The following ADCY9 variants were observed in gnomAD, a reference collection of about 807,000 sequenced individuals.
ADCY9 encodes adenylate cyclase 9.
In ADCY9, 50 loss-of-function variants were observed where a neutral mutation model predicts 101.5. That is an observed-to-expected ratio of 0.49 (90% CI 0.39 to 0.62). ADCY9 has a LOEUF of 0.62. ADCY9 is among the 20% of genes least tolerant of loss of function. ADCY9 has a pLI of 0.00. For synonymous variants in ADCY9, 905 were observed against 769.3 expected, an observed-to-expected ratio of 1.18 and a Z score of -2.92; for missense variants, 1,662 against 1,800.4, an observed-to-expected ratio of 0.92 and a Z score of 1.39.
At chr16:4,039,890 T>C (rs1024111677) in intron 2 of ADCY9, among the ~76,000 whole-genome samples, 1 of 151,784 alleles carries the variant, frequency 6.6e-6, no homozygotes, top group African/African-American at 2.4e-5. Flanking sequence ...AATGCAAAAA[T>C]TAGCTGGGCA....
intron 2 of ADCY9, among the ~76,000 whole-genome samples, chr16:4,076,908 C>T (rs1363385777): frequency 2.0e-5 from 3 of 152,016 alleles, no homozygotes; most frequent in Non-Finnish European, 4.4e-5. Flanking sequence ...GAAACCCCGT[C>T]TCTACTAAAA....
At chr16:3,957,320 C>G (rs1204641303) in intron 5 of ADCY9, among the ~76,000 whole-genome samples, 1 of 152,174 alleles carries the variant, frequency 6.6e-6, no homozygotes, top group Non-Finnish European at 1.5e-5. Context: ...GTTTTCAGCT[C>G]GTTGGCAGAA....
intron 3 of ADCY9, among the ~76,000 whole-genome samples, chr16:3,994,407 C>T (rs1370922030): frequency 6.6e-6 from 1 of 152,150 alleles, no homozygotes; most frequent in Non-Finnish European, 1.5e-5. Flanking sequence ...GTTGCACAAC[C>T]TTGCTAAATA....
chr16:4,085,713 G>A (rs943458630), intron 2 of ADCY9, among the ~76,000 whole-genome samples: 5 of 152,066 alleles, frequency 3.3e-5, no homozygotes, highest in African/African-American at 4.8e-5. Context: ...AGCCGCCTCA[G>A]TATCACCTGG....
chr16:3,995,003 A>G (rs1027153842), intron 3 of ADCY9, among the ~76,000 whole-genome samples: 4 of 152,202 alleles, frequency 2.6e-5, no homozygotes, highest in Non-Finnish European at 5.9e-5. Context: ...AGGTACCCTA[A>G]AAAGAGCAAA....
At chr16:4,051,187 G>A (rs1251581198) in intron 2 of ADCY9, among the ~76,000 whole-genome samples, 3 of 151,336 alleles carry the variant, frequency 2.0e-5, no homozygotes, top group Non-Finnish European at 4.4e-5. Flanking sequence ...CACTCCAGCC[G>A]GGGCAACAGA....
intron 2 of ADCY9, among the ~76,000 whole-genome samples, chr16:4,109,786 A>G (rs1323286365): frequency 6.6e-6 from 1 of 152,146 alleles, no homozygotes; most frequent in Non-Finnish European, 1.5e-5. Context: ...TCGACACCTC[A>G]TTAATCTCTT....
At position 4,115,878 on chromosome 16, in the gene ADCY9, C is replaced by T. The variant is rs2057148467; in HGVS notation, c.-232G>A. On this transcript the variant is annotated 5_prime_UTR_variant, in exon 1 of 11. Coordinates refer to ENST00000294016, the MANE Select transcript of ADCY9 (RefSeq NM_001116.4). This position sits in a 1 kb window ranked among gnomAD's most constrained non-coding sequence, Gnocchi z 6.2. ...CCTTGAGCGCTCCCAGCCCCGCGAG[C>T]CGCCTGCGCACAAACAACTCCGCTG... 3 of 395,208 alleles carry T rather than the reference C, an allele frequency of 7.6e-6. No homozygotes were observed. In the South Asian group the frequency reaches 3.8e-4, roughly 50 times the overall value. The allele number at this position is 395,208 out of a possible 1,614,324, so 24.5% of individuals were successfully genotyped here.
intron 9 of ADCY9, among the ~76,000 whole-genome samples, chr16:3,974,952 C>T (rs565622811): frequency 6.6e-6 from 1 of 152,290 alleles, no homozygotes; most frequent in Admixed American, 6.5e-5. Context: ...CCTGCTGAGG[C>T]TTAGCAACCG....
chr16:4,078,589 A>G (rs574826727), intron 2 of ADCY9, among the ~76,000 whole-genome samples: 1 of 150,988 alleles, frequency 6.6e-6, no homozygotes, highest in African/African-American at 2.4e-5. Context: ...ACAAAAACAT[A>G]AAAGTATTAG....
Position 3,966,093 on chromosome 16 carries a change from G to A in ADCY9, c.3744C>T (p.His1248=). The A allele has an allele frequency of 6.2e-7, 1 of 1,614,238 alleles. No homozygotes were observed. The highest frequency in any genetic ancestry group is 8.5e-7 in the Non-Finnish European group (1 of 1,180,056). Reference sequence around the variant, plus strand: ...ACAGCTGGTGCTGTGGGATGACCCTGTGATCCGTGCACTTTGGGTACAGGT... The same window carrying A: ...ACAGCTGGTGCTGTGGGATGACCCTATGATCCGTGCACTTTGGGTACAGGT... ...KTYLYPKCTD[H]RVIPQHQLSI... Residue 1248 remains histidine, a synonymous_variant, in exon 11 of 11, where the codon CAC becomes CAT. Coordinates refer to ENST00000294016, the MANE Select transcript of ADCY9 (RefSeq NM_001116.4).
chr16:4,110,687 G>C (rs1245946697), intron 2 of ADCY9, among the ~76,000 whole-genome samples: 1 of 152,188 alleles, frequency 6.6e-6, no homozygotes, highest in Non-Finnish European at 1.5e-5. Context: ...ACTGCGCCCA[G>C]CCTTACCTTA....
chr16:4,005,721 T>C (rs1410131287), intron 3 of ADCY9, among the ~76,000 whole-genome samples: 1 of 152,188 alleles, frequency 6.6e-6, no homozygotes, highest in Non-Finnish European at 1.5e-5. Context: ...GCATGTGATA[T>C]GGTGAACTCT....
At chr16:4,022,490 CAAAAAA>C (rs58498676) in intron 2 of ADCY9, among the ~76,000 whole-genome samples, 5 of 65,046 alleles carry the variant, frequency 7.7e-5, no homozygotes, top group African/African-American at 2.7e-4. Flanking sequence ...GACTCCGTCT[CAAAAAA>C]AAAAAAAAAA....
chr16:4,067,618 A>C (rs2056808327), intron 2 of ADCY9, among the ~76,000 whole-genome samples: 1 of 152,116 alleles, frequency 6.6e-6, no homozygotes, highest in Non-Finnish European at 1.5e-5. Flanking sequence ...CCCACCCCAG[A>C]GAGATGTATT....
Position 4,047,459 on chromosome 16 carries a change from A to G in ADCY9, c.1694-39901T>C, listed in dbSNP as rs540035982. 6.5e-4 allele frequency among the ~76,000 whole-genome samples: 99 copies of G among 152,148 alleles called. 7 individuals carry two copies. Among genetic ancestry groups the G allele is most frequent in the African/African-American group, 2.2e-3 (92 of 41,418 alleles). On this transcript the variant is annotated intron_variant, in intron 2 of 10. Coordinates refer to ENST00000294016, the MANE Select transcript of ADCY9 (RefSeq NM_001116.4). Reference sequence around the variant, plus strand: ...GGCCTGGGGGACTTACACAGCTGTTACGAAGACATTATTTAAAAAAATCTT... The same window carrying G: ...GGCCTGGGGGACTTACACAGCTGTTGCGAAGACATTATTTAAAAAAATCTT...
chr16:4,100,486 C>CGG (rs1451045383), intron 2 of ADCY9, among the ~76,000 whole-genome samples: 3 of 151,986 alleles, frequency 2.0e-5, no homozygotes, highest in Non-Finnish European at 4.4e-5. Context: ...TATGCCACCA[C>CGG]GCCTGGCTAA....
intron 9 of ADCY9, among the ~76,000 whole-genome samples, 161 bp from the exon 10 acceptor site, chr16:3,974,871 C>T (rs955996792): frequency 3.3e-5 from 5 of 152,212 alleles, no homozygotes; most frequent in African/African-American, 9.6e-5. Flanking sequence ...TCTGTGTCTC[C>T]CAATGCTGGG....
intron 2 of ADCY9, among the ~76,000 whole-genome samples, chr16:4,074,393 T>C (rs1414830414): frequency 1.3e-5 from 2 of 151,588 alleles, no homozygotes; most frequent in Non-Finnish European, 2.9e-5. Flanking sequence ...GAGATAAAAA[T>C]AGAATCATGA....
Sources: allele counts gnomAD v4.1 joint callset (sites outside exome capture counted in the v4.1 genomes callset), GRCh38; gene constraint gnomAD v4.1.1; non-coding constraint Gnocchi (gnomAD v3.1); transcripts MANE v1.5; gene names NCBI Gene and HGNC (gene_info 2026-07-23, HGNC 2026-07-21).